SEMA5A: variants seen among roughly 807,000 people sequenced by gnomAD.
SEMA5A encodes semaphorin 5A, also known as semaphorin-5A.
In SEMA5A, 55 loss-of-function variants were observed where a neutral mutation model predicts 135.5. The observed-to-expected ratio is 0.41, with a 90% CI of 0.33 to 0.51. SEMA5A has a LOEUF of 0.51. SEMA5A is among the 20% of genes least tolerant of loss of function. The pLI is 0.37. For synonymous variants in SEMA5A, 580 were observed against 546.5 expected, an observed-to-expected ratio of 1.06 and a Z score of -0.85; for missense variants, 1,290 against 1,419.9, an observed-to-expected ratio of 0.91 and a Z score of 1.47.
At chr5:9,353,311 A>AAT (rs1754275653) in intron 3 of SEMA5A, among the ~76,000 whole-genome samples, 4 of 127,044 alleles carry the variant, frequency 3.1e-5, no homozygotes, top group Admixed American at 7.9e-5. Context: ...AGGGAAGGGA[A>AAT]GGGAAAGGAA....
rs79837653 is a variant in SEMA5A, at chr5:9,301,233, T to C, written c.270+17139A>G. Among the ~76,000 whole-genome samples the C allele has an allele frequency of 3.3e-5, 5 of 152,342 alleles. No homozygotes were observed. The East Asian group carries it at 9.6e-4, about 29-fold the overall frequency. On this transcript the variant is annotated intron_variant, in intron 5 of 22. Coordinates refer to ENST00000382496, the MANE Select transcript of SEMA5A (RefSeq NM_003966.3). The stretch of plus-strand genomic sequence containing the variant: ...AGAAGAAAGTCACACTTGGTATTTG[T>C]ATCACAGACAACTTTCTAAAGACAG...
chr5:9,438,600 C>T (rs115822515), intron 1 of SEMA5A, among the ~76,000 whole-genome samples: 11 of 152,278 alleles, frequency 7.2e-5, no homozygotes, highest in Non-Finnish European at 1.5e-4. Context: ...TGTTCATCAC[C>T]AGTGAAGGAT....
intron 4 of SEMA5A, among the ~76,000 whole-genome samples, chr5:9,330,823 G>A (rs1420923887): frequency 6.6e-6 from 1 of 152,106 alleles, no homozygotes; most frequent in South Asian, 2.1e-4. Flanking sequence ...GACAGAGAAG[G>A]GGAAACCTTT....
At chr5:9,384,830 T>C (rs1755819365) in intron 2 of SEMA5A, among the ~76,000 whole-genome samples, 1 of 152,174 alleles carries the variant, frequency 6.6e-6, no homozygotes, top group Admixed American at 6.5e-5. Context: ...TGAAAGATTA[T>C]TCAAAATATG....
At chr5:9,278,590 C>G (rs1750384979) in intron 5 of SEMA5A, among the ~76,000 whole-genome samples, 1 of 152,236 alleles carries the variant, frequency 6.6e-6, no homozygotes, top group African/African-American at 2.4e-5. Flanking sequence ...GGGAAGCCCT[C>G]TCATCACAGG....
At chr5:9,431,679 G>A (rs1463898360) in intron 2 of SEMA5A, among the ~76,000 whole-genome samples, 1 of 152,098 alleles carries the variant, frequency 6.6e-6, no homozygotes, top group Non-Finnish European at 1.5e-5. Flanking sequence ...CCAAACGTGG[G>A]GTCGTTTTTA....
intron 5 of SEMA5A, among the ~76,000 whole-genome samples, chr5:9,252,300 C>T (rs1423088954): frequency 3.9e-5 from 6 of 152,080 alleles, no homozygotes; most frequent in African/African-American, 9.7e-5. Context: ...GTCATCGATT[C>T]GAAAGCTTCC....
At chr5:9,442,061 A>G (rs1459199344) in intron 1 of SEMA5A, among the ~76,000 whole-genome samples, 1 of 152,152 alleles carries the variant, frequency 6.6e-6, no homozygotes, top group South Asian at 2.1e-4. Flanking sequence ...TATGAGGAGA[A>G]TTGCAGTGAA....
At chr5:9,347,040 T>C (rs1381040617) in intron 3 of SEMA5A, among the ~76,000 whole-genome samples, 3 of 152,112 alleles carry the variant, frequency 2.0e-5, no homozygotes, top group Admixed American at 6.5e-5. Context: ...GTCCCATTTA[T>C]AGAACTTTTA....
intron 11 of SEMA5A, among the ~76,000 whole-genome samples, chr5:9,167,268 C>T (rs1743661494): frequency 6.6e-6 from 1 of 152,112 alleles, no homozygotes; most frequent in Non-Finnish European, 1.5e-5. Context: ...TCAAAGAAAA[C>T]CTGAGGCTGC....
At chr5:9,539,080 C>G (rs1561333523) in intron 1 of SEMA5A, among the ~76,000 whole-genome samples, 1 of 152,136 alleles carries the variant, frequency 6.6e-6, no homozygotes, top group Non-Finnish European at 1.5e-5. Flanking sequence ...TTTCCATCAC[C>G]CCCAAAAGGC....
At chr5:9,193,971 T>G (rs1265353875) in intron 10 of SEMA5A, among the ~76,000 whole-genome samples, 1 of 152,214 alleles carries the variant, frequency 6.6e-6, no homozygotes, top group African/African-American at 2.4e-5. Flanking sequence ...ATCTACGCAC[T>G]TGCTCCTCCA....
intron 8 of SEMA5A, among the ~76,000 whole-genome samples, chr5:9,218,187 C>T (rs764651105): frequency 1.3e-4 from 20 of 152,062 alleles, no homozygotes; most frequent in Non-Finnish European, 2.5e-4. Flanking sequence ...ACATATCCTG[C>T]AGAACCGAAA....
intron 16 of SEMA5A, among the ~76,000 whole-genome samples, chr5:9,100,980 G>A (rs1739598235): frequency 6.6e-6 from 1 of 151,998 alleles, no homozygotes; most frequent in Non-Finnish European, 1.5e-5. Context: ...GAGAAAGATG[G>A]GCATCACTTC....
At chr5:9,044,681 G>T in intron 21 of SEMA5A, 97 bp from the exon 22 acceptor site, 2 of 991,526 alleles carry the variant, frequency 2.0e-6, no homozygotes, top group Non-Finnish European at 1.5e-6. Flanking sequence ...AAAATGAAAA[G>T]CTTCATCCCC....
chr5:9,213,020 C>T (rs370438017), intron 8 of SEMA5A, among the ~76,000 whole-genome samples: 32 of 152,306 alleles, frequency 2.1e-4, no homozygotes, highest in African/African-American at 7.7e-4. Context: ...CAAGGGTTTG[C>T]TTTCTGGTTC....
At chr5:9,523,779 C>T (rs980546564) in intron 1 of SEMA5A, among the ~76,000 whole-genome samples, 1 of 152,240 alleles carries the variant, frequency 6.6e-6, no homozygotes, top group African/African-American at 2.4e-5. Context: ...GAAAACAACT[C>T]TGTCAACAAG....
At chr5:9,478,326 C>T (rs111854758) in intron 1 of SEMA5A, among the ~76,000 whole-genome samples, 10 of 152,310 alleles carry the variant, frequency 6.6e-5, no homozygotes, top group South Asian at 6.2e-4. Context: ...ACAGAATCCC[C>T]GCTGGGCATT....
chr5:9,448,779 G>A (rs1334339269), intron 1 of SEMA5A, among the ~76,000 whole-genome samples: 2 of 152,140 alleles, frequency 1.3e-5, no homozygotes, highest in South Asian at 2.1e-4. Context: ...TGACATCCCC[G>A]TGTGATGTTG....
Sources: gnomAD v4.1 joint callset for allele counts (sites outside exome capture counted in the v4.1 genomes callset) on GRCh38, gnomAD v4.1.1 for gene constraint, MANE v1.5 for transcripts, NCBI Gene and HGNC (gene_info 2026-07-23, HGNC 2026-07-21) for gene names.